SBF2: variants seen among roughly 807,000 people sequenced by gnomAD.
SBF2 encodes the protein SET binding factor 2, also known as myotubularin-related protein 13.
A neutral mutation model predicts 225.2 loss-of-function variants in SBF2; 112 were observed. That is an observed-to-expected ratio of 0.50 (90% CI 0.43 to 0.58). The LOEUF is 0.58. Among genes scored for constraint, SBF2 ranks in the 20% least tolerant of loss-of-function variants. The pLI, the probability that SBF2 is intolerant of heterozygous loss-of-function variation, is 0.00. For missense variants in SBF2, 1,996 were observed against 2,206.2 expected, an observed-to-expected ratio of 0.90 and a Z score of 1.91; for synonymous variants, 763 against 773.3, an observed-to-expected ratio of 0.99 and a Z score of 0.22.
At chr11:9,957,018 TG>T (rs544850627) in intron 16 of SBF2, 18 of 152,364 alleles carry the variant, frequency 1.2e-4, no homozygotes, top group African/African-American at 4.3e-4. Flanking sequence ...ACTTCTATTT[TG>T]TTTTTTAAAA....
At chr11:10,068,635 T>C (rs1265021930) in intron 2 of SBF2, among the ~76,000 whole-genome samples, 1 of 152,186 alleles carries the variant, frequency 6.6e-6, no homozygotes, top group East Asian at 1.9e-4. Context: ...TTTATGCACC[T>C]AAAATGTTTA....
At chr11:10,218,517 C>A (rs150557268) in intron 1 of SBF2, among the ~76,000 whole-genome samples, 2 of 152,202 alleles carry the variant, frequency 1.3e-5, no homozygotes, top group African/African-American at 4.8e-5. Context: ...CCACCAAAGT[C>A]TTAACTCATT....
chr11:10,302,120 A>C (rs1241860386), intron 1 of SBF2, among the ~76,000 whole-genome samples: 2 of 152,220 alleles, frequency 1.3e-5, no homozygotes, highest in Non-Finnish European at 2.9e-5. Context: ...AACTTATGTT[A>C]ATAAATTGCC....
intron 2 of SBF2, among the ~76,000 whole-genome samples, chr11:10,193,279 T>C (rs951649821): frequency 6.6e-5 from 10 of 151,588 alleles, no homozygotes; most frequent in African/African-American, 1.9e-4. Context: ...CTGAAGTTAC[T>C]AGGCTAAGAC....
At chr11:9,920,871 T>C (rs1373448937) in intron 16 of SBF2, among the ~76,000 whole-genome samples, 1 of 152,058 alleles carries the variant, frequency 6.6e-6, no homozygotes, top group Non-Finnish European at 1.5e-5. Flanking sequence ...TGCCCTGGTG[T>C]TCTGTCAGGG....
intron 2 of SBF2, among the ~76,000 whole-genome samples, chr11:10,188,703 A>G (rs1955787114): frequency 6.6e-6 from 1 of 152,226 alleles, no homozygotes; most frequent in South Asian, 2.1e-4. Context: ...AGATGATAAA[A>G]TAATCTACTA....
At chr11:9,876,257 T>C (rs1028171519) in intron 17 of SBF2, among the ~76,000 whole-genome samples, 7 of 152,214 alleles carry the variant, frequency 4.6e-5, no homozygotes, top group African/African-American at 1.7e-4. Flanking sequence ...TTCCAATCTC[T>C]AGTGGTTAAA....
At chr11:9,841,981 A>G (rs1481999523) in intron 25 of SBF2, among the ~76,000 whole-genome samples, 2 of 152,064 alleles carry the variant, frequency 1.3e-5, no homozygotes, top group African/African-American at 4.8e-5. Flanking sequence ...TCCTGAGGGG[A>G]AAAAAAGGGT....
chr11:10,254,831 G>A (rs55788918), intron 1 of SBF2, among the ~76,000 whole-genome samples: 29,452 of 137,168 alleles, frequency 0.21, 3,849 homozygotes, highest in Non-Finnish European at 0.3. Context: ...AACCCAAGAG[G>A]TGGAGGTTGC....
intron 2 of SBF2, among the ~76,000 whole-genome samples, chr11:10,112,925 G>A (rs1021896760): frequency 6.6e-6 from 1 of 152,168 alleles, no homozygotes; most frequent in African/African-American, 2.4e-5. Context: ...CTCCTCTCCT[G>A]AATTATTTCT....
intron 2 of SBF2, among the ~76,000 whole-genome samples, chr11:10,107,087 T>C (rs1367714519): frequency 3.9e-5 from 6 of 152,210 alleles, no homozygotes; most frequent in Non-Finnish European, 8.8e-5. Flanking sequence ...ATTTGAAAAA[T>C]ACTTTGGCAG....
At chr11:10,133,743 A>G (rs1215493209) in intron 2 of SBF2, among the ~76,000 whole-genome samples, 1 of 151,686 alleles carries the variant, frequency 6.6e-6, no homozygotes, top group Non-Finnish European at 1.5e-5. Flanking sequence ...CAGGCCAGAA[A>G]GGGGCTCCCA....
intron 32 of SBF2, among the ~76,000 whole-genome samples, chr11:9,805,959 C>T (rs972592882): frequency 6.6e-5 from 10 of 152,168 alleles, no homozygotes; most frequent in Non-Finnish European, 8.8e-5. Flanking sequence ...GTGGTAAGAG[C>T]ATGAACAAGA....
At chr11:9,879,913 G>A (rs1297566449) in intron 17 of SBF2, among the ~76,000 whole-genome samples, 2 of 151,834 alleles carry the variant, frequency 1.3e-5, no homozygotes, top group African/African-American at 2.4e-5. Flanking sequence ...GCAAAACTCC[G>A]TCTTCACTAA....
intron 8 of SBF2, 46 bp from the exon 9 acceptor site, chr11:9,998,425 G>A (rs763450719): frequency 1.9e-6 from 2 of 1,033,124 alleles, no homozygotes; most frequent in South Asian, 2.6e-5. Flanking sequence ...AAATACATTT[G>A]TTGTTAAGCA....
chr11:9,952,451 TA>T (rs1198674870), intron 16 of SBF2, among the ~76,000 whole-genome samples: 4 of 152,300 alleles, frequency 2.6e-5, no homozygotes, highest in South Asian at 4.1e-4. Flanking sequence ...CTGATGTTAC[TA>T]ATTCCTGAGC....
intron 25 of SBF2, among the ~76,000 whole-genome samples, chr11:9,840,912 CTT>C (rs543927465): frequency 7.4e-6 from 1 of 135,600 alleles, no homozygotes. Flanking sequence ...TTTAGGGAGG[CTT>C]TTTTTTTTTT....
chr11:10,304,711 G>C (rs1393113287), exon 1 of SBF2: 1 of 152,374 alleles, frequency 6.6e-6, no homozygotes, highest in African/African-American at 2.4e-5. Flanking sequence ...GGCTCTTGCT[G>C]TTCTTCGCCA....
intron 1 of SBF2, among the ~76,000 whole-genome samples, chr11:10,264,684 A>G (rs1240945538): frequency 6.6e-6 from 1 of 152,090 alleles, no homozygotes; most frequent in Non-Finnish European, 1.5e-5. Context: ...TGCTGCACCT[A>G]TCAACTCGTC....
Sources: gnomAD v4.1 joint callset for allele counts (sites outside exome capture counted in the v4.1 genomes callset) on GRCh38, gnomAD v4.1.1 for gene constraint, MANE v1.5 for transcripts, NCBI Gene and HGNC (gene_info 2026-07-23, HGNC 2026-07-21) for gene names.